SPMIP7: variants seen among roughly 807,000 people sequenced by gnomAD.
The protein encoded by SPMIP7 is sperm microtubule inner protein 7, also known as protein SPMIP7.
At chr7:50,095,883 A>G in the SPMIP7 span, among the ~76,000 whole-genome samples, 3 of 152,332 alleles carry the variant, frequency 2.0e-5, no homozygotes, top group East Asian at 3.9e-4. Context: ...ATGTTCCTTC[A>G]TTGCCCTATT....
At chr7:50,134,381 T>TACACAC in the SPMIP7 span, 3 of 560,106 alleles carry the variant, frequency 5.4e-6, 1 homozygote, top group South Asian at 6.2e-5. Context: ...TAAGTAAATA[T>TACACAC]ATATACACAC....
the SPMIP7 span, among the ~76,000 whole-genome samples, chr7:50,145,731 T>C: frequency 7.0e-6 from 1 of 143,798 alleles, no homozygotes; most frequent in Non-Finnish European, 1.5e-5. Flanking sequence ...TTCCAAAGAA[T>C]AAACAGGCTC....
chr7:50,136,255 G>A, the SPMIP7 span: 4 of 943,642 alleles, frequency 4.2e-6, no homozygotes, highest in African/African-American at 1.6e-5. Context: ...TTGGCTTAGA[G>A]GTGTGGGTGA....
the SPMIP7 span, among the ~76,000 whole-genome samples, chr7:50,143,581 G>A: frequency 2.6e-5 from 4 of 152,248 alleles, no homozygotes; most frequent in Middle Eastern, 3.4e-3. Flanking sequence ...TCCTTCATTA[G>A]TTGATTTTGT....
At chr7:50,140,342 G>T in the SPMIP7 span, among the ~76,000 whole-genome samples, 2 of 152,116 alleles carry the variant, frequency 1.3e-5, no homozygotes, top group African/African-American at 4.8e-5. Context: ...AATGTCAGAA[G>T]TCCCATCTAA....
the SPMIP7 span, chr7:50,104,364 C>G: frequency 1.3e-6 from 2 of 1,540,604 alleles, no homozygotes; most frequent in Non-Finnish European, 1.8e-6. Flanking sequence ...TCATGAAGGA[C>G]GCTCATTAAG....
the SPMIP7 span, among the ~76,000 whole-genome samples, chr7:50,138,899 T>C: frequency 6.6e-6 from 1 of 152,198 alleles, no homozygotes; most frequent in East Asian, 1.9e-4. Context: ...GTCAGAAAAC[T>C]ACCATTTTAT....
the SPMIP7 span, among the ~76,000 whole-genome samples, chr7:50,150,515 C>A: frequency 7.1e-3 from 1,083 of 152,310 alleles, 6 homozygotes; most frequent in African/African-American, 0.025. Context: ...GCCTCATGAT[C>A]TGTAAATGTT....
chr7:50,107,175 G>T, the SPMIP7 span, among the ~76,000 whole-genome samples: 1 of 151,838 alleles, frequency 6.6e-6, no homozygotes, highest in Admixed American at 6.6e-5. Flanking sequence ...GGCCAACATG[G>T]CAAAACCCCA....
the SPMIP7 span, among the ~76,000 whole-genome samples, chr7:50,158,711 C>A: frequency 6.6e-6 from 1 of 152,110 alleles, no homozygotes; most frequent in Non-Finnish European, 1.5e-5. Flanking sequence ...CTCACTCCTC[C>A]TTGGAGGAGA....
At chr7:50,153,754 G>T in the SPMIP7 span, among the ~76,000 whole-genome samples, 2 of 152,172 alleles carry the variant, frequency 1.3e-5, no homozygotes, top group Non-Finnish European at 2.9e-5. Flanking sequence ...TGACTTGAAG[G>T]AGTGGGGCTT....
the SPMIP7 span, among the ~76,000 whole-genome samples, chr7:50,127,685 C>A: frequency 1.3e-5 from 2 of 148,592 alleles, no homozygotes; most frequent in East Asian, 4.0e-4. Context: ...CAGAATAAGA[C>A]ATAAAAATAG....
chr7:50,145,399 C>T, the SPMIP7 span, among the ~76,000 whole-genome samples: 11 of 150,776 alleles, frequency 7.3e-5, no homozygotes, highest in African/African-American at 2.7e-4. Flanking sequence ...TTTTACAGTC[C>T]CATATAATTT....
the SPMIP7 span, among the ~76,000 whole-genome samples, chr7:50,109,532 C>T: frequency 6.6e-5 from 10 of 152,030 alleles, no homozygotes; most frequent in Non-Finnish European, 8.8e-5. Flanking sequence ...TGTGCCACCA[C>T]GCCTGGCTAT....
the SPMIP7 span, among the ~76,000 whole-genome samples, chr7:50,097,419 G>T: frequency 6.6e-6 from 1 of 152,150 alleles, no homozygotes; most frequent in Admixed American, 6.5e-5. Context: ...GGGCTAAAAT[G>T]GTGTTAACAG....
the SPMIP7 span, among the ~76,000 whole-genome samples, chr7:50,103,065 T>TATAA: frequency 4.4e-5 from 6 of 135,730 alleles, no homozygotes; most frequent in East Asian, 2.2e-4. Context: ...TATATATATA[T>TATAA]AATATATATA....
At chr7:50,138,565 C>T in the SPMIP7 span, among the ~76,000 whole-genome samples, 1 of 152,034 alleles carries the variant, frequency 6.6e-6, no homozygotes, top group African/African-American at 2.4e-5. Flanking sequence ...GAATGGTTAA[C>T]CTTATATATT....
chr7:50,128,396 T>C, the SPMIP7 span, among the ~76,000 whole-genome samples: 344 of 152,128 alleles, frequency 2.3e-3, 2 homozygotes, highest in African/African-American at 7.3e-3. Flanking sequence ...CCATGTTTGA[T>C]ATATCAGTGG....
the SPMIP7 span, among the ~76,000 whole-genome samples, chr7:50,123,094 G>A: frequency 7.3e-6 from 1 of 136,554 alleles, no homozygotes; most frequent in Non-Finnish European, 1.5e-5. Context: ...TATAAATCAT[G>A]CTGCTATAAA....
Sources: gnomAD v4.1 joint callset for allele counts (sites outside exome capture counted in the v4.1 genomes callset) on GRCh38, gnomAD v4.1.1 for gene constraint, MANE v1.5 for transcripts, NCBI Gene and HGNC (gene_info 2026-07-23, HGNC 2026-07-21) for gene names.